GRM1: variants seen among roughly 807,000 people sequenced by gnomAD.
GRM1 encodes metabotropic glutamate receptor 1.
Under a neutral mutation model 90.9 loss-of-function variants are expected in GRM1, and 33 were observed. That is an observed-to-expected ratio of 0.36 (90% CI 0.28 to 0.49). The LOEUF is 0.49. Ranked by LOEUF, GRM1 falls within the 20% of genes least tolerant of loss-of-function variation. The probability of loss-of-function intolerance (pLI) is 0.99; values close to 1 mark genes in which losing one functional copy is unlikely to be tolerated. For synonymous variants in GRM1, 700 were observed against 613.2 expected (o/e 1.14, Z -2.09); for missense variants, 1,190 against 1,534.3 (o/e 0.78, Z 3.75).
intron 1 of GRM1, among the ~76,000 whole-genome samples, chr6:146,106,049 A>G (rs565172333): frequency 1.1e-4 from 16 of 152,364 alleles, no homozygotes; most frequent in South Asian, 4.1e-4. Context: ...TGGTCTGTAC[A>G]TATAAAATGT....
chr6:146,203,121 G>A (rs1158550216), intron 2 of GRM1, among the ~76,000 whole-genome samples: 1 of 151,944 alleles, frequency 6.6e-6, no homozygotes, highest in Non-Finnish European at 1.5e-5. Context: ...GTGAACCCGG[G>A]AGGCGGAGCT....
intron 7 of GRM1, among the ~76,000 whole-genome samples, chr6:146,400,093 T>A (rs138692540): frequency 1.3e-5 from 2 of 152,344 alleles, no homozygotes; most frequent in East Asian, 3.9e-4. Flanking sequence ...AATGTCTAGT[T>A]CTGACCATGG....
At chr6:146,138,664 T>G (rs1776719860) in intron 1 of GRM1, among the ~76,000 whole-genome samples, 1 of 152,110 alleles carries the variant, frequency 6.6e-6, no homozygotes, top group African/African-American at 2.4e-5. Context: ...TATTGGCATA[T>G]AGTTGCTTAT....
intron 2 of GRM1, among the ~76,000 whole-genome samples, chr6:146,299,237 C>T (rs1447527942): frequency 6.6e-6 from 1 of 152,176 alleles, no homozygotes; most frequent in Non-Finnish European, 1.5e-5. Context: ...CTCTATCTAA[C>T]CTACATCACC....
intron 7 of GRM1, among the ~76,000 whole-genome samples, chr6:146,416,363 G>A (rs1777784091): frequency 6.6e-6 from 1 of 151,362 alleles, no homozygotes; most frequent in Non-Finnish European, 1.5e-5. Flanking sequence ...ACTTTCTCCT[G>A]TATTAGTTTG....
intron 2 of GRM1, among the ~76,000 whole-genome samples, chr6:146,275,183 CA>C (rs1782309511): frequency 6.6e-6 from 1 of 151,910 alleles, no homozygotes; most frequent in African/African-American, 2.4e-5. Flanking sequence ...GAGAGAAAAA[CA>C]AAACAAAACA....
At chr6:146,197,241 A>T (rs749088761) in intron 2 of GRM1, among the ~76,000 whole-genome samples, 4 of 152,238 alleles carry the variant, frequency 2.6e-5, no homozygotes, top group African/African-American at 9.6e-5. Context: ...GTTAATGCCA[A>T]TAGGGCTCTG....
intron 2 of GRM1, among the ~76,000 whole-genome samples, chr6:146,243,797 C>T (rs1400487613): frequency 1.3e-5 from 2 of 152,100 alleles, no homozygotes; most frequent in Non-Finnish European, 2.9e-5. Flanking sequence ...TGTCCTCATC[C>T]TAATAAGCCT....
intron 1 of GRM1, among the ~76,000 whole-genome samples, chr6:146,106,471 A>G (rs529825504): frequency 5.0e-4 from 76 of 152,202 alleles, no homozygotes; most frequent in Non-Finnish European, 8.5e-4. Context: ...GAGTTTATTT[A>G]CAGTTGCCCC....
chr6:146,068,012 A>G (rs1775904608), intron 1 of GRM1, among the ~76,000 whole-genome samples: 1 of 152,244 alleles, frequency 6.6e-6, no homozygotes, highest in Admixed American at 6.5e-5. Flanking sequence ...TTTGCATTTT[A>G]AAAGGTCGCT....
At chr6:146,070,055 G>A (rs917167081) in intron 1 of GRM1, among the ~76,000 whole-genome samples, 2 of 152,126 alleles carry the variant, frequency 1.3e-5, no homozygotes, top group African/African-American at 4.8e-5. Flanking sequence ...CAATTTCTGT[G>A]TTTGGCTTTG....
chr6:146,286,116 A>G (rs1250300262), intron 2 of GRM1, among the ~76,000 whole-genome samples: 1 of 152,196 alleles, frequency 6.6e-6, no homozygotes, highest in Non-Finnish European at 1.5e-5. Context: ...CTGAATCAAC[A>G]TTAAATTCAT....
At chr6:146,262,627 C>G (rs192090391) in intron 2 of GRM1, among the ~76,000 whole-genome samples, 1 of 151,814 alleles carries the variant, frequency 6.6e-6, no homozygotes, top group African/African-American at 2.4e-5. Flanking sequence ...ATTATATTTT[C>G]TCTGTGTATG....
chr6:146,101,652 C>T lies in GRM1; in HGVS notation c.701-57696C>T, dbSNP rs559231217. 3.9e-5 allele frequency among the ~76,000 whole-genome samples: 6 copies of T among 152,016 alleles called. No homozygotes were observed. In the South Asian group the frequency reaches 1.2e-3, roughly 32 times the overall value. On this transcript the variant is annotated intron_variant, in intron 1 of 7. Coordinates refer to ENST00000282753, the MANE Select transcript of GRM1 (RefSeq NM_001278064.2). ...AAGCCAAGGACTATTTTTCAAGGTC[C>T]TTATGTTGATTTTTCAGCACTGTAG...
intron 1 of GRM1, among the ~76,000 whole-genome samples, chr6:146,139,968 TTCCCTCCGC>T (rs1776785888): frequency 1.2e-5 from 1 of 82,078 alleles, no homozygotes. Flanking sequence ...TTCCCTTCCC[TTCCCTCCGC>T]TTCCCTCCGC....
intron 5 of GRM1, among the ~76,000 whole-genome samples, chr6:146,376,952 A>G (rs1038663249): frequency 6.6e-6 from 1 of 152,038 alleles, no homozygotes; most frequent in Non-Finnish European, 1.5e-5. Context: ...TGATGGTTTT[A>G]TAAAGGGGAG....
At chr6:146,277,173 A>G (rs1349714974) in intron 2 of GRM1, among the ~76,000 whole-genome samples, 1 of 152,178 alleles carries the variant, frequency 6.6e-6, no homozygotes, top group Non-Finnish European at 1.5e-5. Flanking sequence ...TTGGTGTGTG[A>G]TTGTTTGCAT....
At chr6:146,127,836 T>G (rs924365092) in intron 1 of GRM1, among the ~76,000 whole-genome samples, 1 of 152,220 alleles carries the variant, frequency 6.6e-6, no homozygotes. Context: ...GTGGTTTAAA[T>G]GATAACATGC....
chr6:146,198,515 T>A (rs568155431), intron 2 of GRM1, among the ~76,000 whole-genome samples: 49 of 152,306 alleles, frequency 3.2e-4, no homozygotes, highest in African/African-American at 1.0e-3. Flanking sequence ...CAGTGGTGAC[T>A]TCAGCTGCCA....
Sources: allele counts gnomAD v4.1 joint callset (sites outside exome capture counted in the v4.1 genomes callset), GRCh38; gene constraint gnomAD v4.1.1; transcripts MANE v1.5; gene names NCBI Gene and HGNC (gene_info 2026-07-23, HGNC 2026-07-21).